The following CACNB4 variants were observed in gnomAD, a reference collection of about 807,000 sequenced individuals.
CACNB4 encodes voltage-dependent L-type calcium channel subunit beta-4.
In CACNB4, 32 loss-of-function variants were observed where a neutral mutation model predicts 71.2. The ratio of observed to expected loss-of-function variants is 0.45; its 90% confidence interval spans 0.34 to 0.60. The LOEUF is 0.60. Among genes scored for constraint, CACNB4 ranks in the 20% least tolerant of loss-of-function variants. CACNB4 has a pLI of 0.01. For synonymous variants in CACNB4, 231 were observed against 236.9 expected, an observed-to-expected ratio of 0.97 and a Z score of 0.23; for missense variants, 464 against 647.9, an observed-to-expected ratio of 0.72 and a Z score of 3.08.
At chr2:151,881,741 C>T (rs2099847910) in intron 3 of CACNB4, among the ~76,000 whole-genome samples, 1 of 152,196 alleles carries the variant, frequency 6.6e-6, no homozygotes, top group Non-Finnish European at 1.5e-5. Flanking sequence ...GACTGGGGAA[C>T]AGCAGTTAAG....
intron 2 of CACNB4, among the ~76,000 whole-genome samples, chr2:152,010,920 G>A (rs1683020168): frequency 1.3e-5 from 2 of 152,178 alleles, no homozygotes; most frequent in African/African-American, 4.8e-5. Flanking sequence ...AGATGGTGAG[G>A]GAGAAAACGT....
chr2:151,983,629 G>C (rs1312445788), intron 2 of CACNB4, among the ~76,000 whole-genome samples: 1 of 148,014 alleles, frequency 6.8e-6, no homozygotes, highest in Non-Finnish European at 1.5e-5. Context: ...TATATTTGTA[G>C]GTATGTCTCG....
At chr2:151,844,710 C>G (rs2099837093) in intron 12 of CACNB4, among the ~76,000 whole-genome samples, 1 of 152,128 alleles carries the variant, frequency 6.6e-6, no homozygotes, top group African/African-American at 2.4e-5. Flanking sequence ...AGCTACACCC[C>G]AAAGGACATC....
At position 151,833,769 on chromosome 2, in the gene CACNB4, G is replaced by A. The variant is rs950701333; in HGVS notation, c.*5350C>T. 6 of 151,912 alleles carry A rather than the reference G, an allele frequency of 3.9e-5. No individual in the cohort carries two copies. Among genetic ancestry groups the A allele is most frequent in the Non-Finnish European group, 2.9e-5 (2 of 67,880 alleles). The allele number at this position is 151,912 out of a possible 1,614,324, so 9.4% of individuals were successfully genotyped here. A position where few individuals can be genotyped will look rare whatever the true frequency, so the allele number is the denominator to read the frequency against. ...GTTATAAGTTTGTGCTATAACAAAT[G>A]TGCTTCTTTCTCCTCAATCTATTTT... On this transcript the variant is annotated 3_prime_UTR_variant, in exon 14 of 14. Coordinates refer to ENST00000539935, the MANE Select transcript of CACNB4 (RefSeq NM_000726.5).
intron 2 of CACNB4, among the ~76,000 whole-genome samples, chr2:152,072,512 G>A (rs868027249): frequency 6.6e-6 from 1 of 152,146 alleles, no homozygotes; most frequent in African/African-American, 2.4e-5. Context: ...AGATAATATC[G>A]TAAGTCAAAT....
intron 2 of CACNB4, among the ~76,000 whole-genome samples, chr2:151,961,407 G>A (rs1439184105): frequency 2.0e-5 from 3 of 152,154 alleles, no homozygotes; most frequent in Admixed American, 6.5e-5. Context: ...TCTTTTATTT[G>A]CTCCTATTGC....
intron 2 of CACNB4, among the ~76,000 whole-genome samples, chr2:152,030,570 A>T (rs1003323498): frequency 6.6e-6 from 1 of 152,188 alleles, no homozygotes; most frequent in Non-Finnish European, 1.5e-5. Flanking sequence ...TTAACTTGTC[A>T]TTTACATTAG....
At chr2:151,922,728 A>G (rs1257952645) in intron 2 of CACNB4, among the ~76,000 whole-genome samples, 1 of 152,218 alleles carries the variant, frequency 6.6e-6, no homozygotes, top group Non-Finnish European at 1.5e-5. Flanking sequence ...TTTCCAAAAG[A>G]TATTTACCAA....
chr2:151,864,337 A>T (rs1196274471), intron 9 of CACNB4, among the ~76,000 whole-genome samples: 2 of 152,192 alleles, frequency 1.3e-5, no homozygotes, highest in African/African-American at 4.8e-5. Context: ...ATTGTTGCTT[A>T]TTTCCACTTT....
chr2:152,028,184 G>C (rs780704102), intron 2 of CACNB4, among the ~76,000 whole-genome samples: 6 of 152,144 alleles, frequency 3.9e-5, no homozygotes, highest in Non-Finnish European at 7.4e-5. Context: ...AACAATTTAG[G>C]ACTGGGAACC....
At chr2:151,973,396 C>T (rs1481248078) in intron 2 of CACNB4, 6 of 456,002 alleles carry the variant, frequency 1.3e-5, no homozygotes, top group South Asian at 9.8e-5. Context: ...TGAGATCAAA[C>T]GTGGACCCGG....
At chr2:152,091,726 A>G (rs950731206) in intron 2 of CACNB4, among the ~76,000 whole-genome samples, 1 of 152,118 alleles carries the variant, frequency 6.6e-6, no homozygotes, top group Non-Finnish European at 1.5e-5. Flanking sequence ...TCTACTTTCC[A>G]TCTCAGAGGG....
At chr2:151,937,918 A>G (rs2099863324) in intron 2 of CACNB4, among the ~76,000 whole-genome samples, 1 of 152,190 alleles carries the variant, frequency 6.6e-6, no homozygotes, top group Non-Finnish European at 1.5e-5. Flanking sequence ...TTTTGCTGGA[A>G]CATCTGCAGG....
At chr2:151,978,636 C>T (rs978540511) in intron 2 of CACNB4, among the ~76,000 whole-genome samples, 5 of 152,178 alleles carry the variant, frequency 3.3e-5, no homozygotes, top group Non-Finnish European at 7.3e-5. Flanking sequence ...GGATGGGTAC[C>T]TGGCACCAAC....
chr2:151,913,090 C>T lies in CACNB4; in HGVS notation c.148-29720G>A, dbSNP rs190894736. ...GCATGTAAGATGGATCTCCTGAATA[C>T]AGCACACCAATGGGTCTTGACTTTA... On this transcript the variant is annotated intron_variant, in intron 2 of 13. Transcript: ENST00000539935. 6.6e-4 allele frequency among the ~76,000 whole-genome samples: 100 copies of T among 152,222 alleles called. 1 individual carries two copies. Among genetic ancestry groups the T allele is most frequent in the Admixed American group, 5.2e-3 (80 of 15,302 alleles).
At chr2:151,885,947 A>G (rs1393777251) in intron 2 of CACNB4, among the ~76,000 whole-genome samples, 1 of 151,222 alleles carries the variant, frequency 6.6e-6, no homozygotes, top group Non-Finnish European at 1.5e-5. Context: ...AGAGTAAGAG[A>G]AAAAAAAACA....
intron 2 of CACNB4, among the ~76,000 whole-genome samples, chr2:152,069,259 C>A (rs1159783024): frequency 6.6e-6 from 1 of 152,164 alleles, no homozygotes; most frequent in Non-Finnish European, 1.5e-5. Flanking sequence ...CCGCTCCAAT[C>A]CCACTCCATG....
Position 152,012,629 on chromosome 2 carries a change from T to C in CACNB4, c.147+85701A>G, listed in dbSNP as rs529006393. ...AAAAAAAAAAAAAAAGTGTAAAAAGTAAAAGAAAAAAGTTCATATAAGGAT... is the reference window on the plus strand; with the variant it reads ...AAAAAAAAAAAAAAAGTGTAAAAAGCAAAAGAAAAAAGTTCATATAAGGAT... On this transcript the variant is annotated intron_variant, in intron 2 of 13. Transcript: ENST00000539935. Among the ~76,000 whole-genome samples the C allele has an allele frequency of 3.4e-5, 5 of 147,044 alleles. No homozygotes were observed. In the East Asian group the frequency reaches 9.9e-4, roughly 29 times the overall value.
chr2:151,997,463 G>A (rs1682120462), intron 2 of CACNB4, among the ~76,000 whole-genome samples: 1 of 152,106 alleles, frequency 6.6e-6, no homozygotes, highest in African/African-American at 2.4e-5. Flanking sequence ...GAACCCAGGA[G>A]GCAGAGCTTG....
Sources: allele counts gnomAD v4.1 joint callset (sites outside exome capture counted in the v4.1 genomes callset), GRCh38; gene constraint gnomAD v4.1.1; transcripts MANE v1.5; gene names NCBI Gene and HGNC (gene_info 2026-07-23, HGNC 2026-07-21).